PADI6: variants seen among roughly 807,000 people sequenced by gnomAD.
PADI6 encodes the protein inactive protein-arginine deiminase type-6.
Under a neutral mutation model 78.2 loss-of-function variants are expected in PADI6, and 66 were observed. The ratio of observed to expected loss-of-function variants is 0.84; its 90% CI spans 0.69 to 1.04. PADI6 has a LOEUF of 1.04. Among genes scored for constraint, PADI6 ranks in the 50% least tolerant of loss-of-function variants. The pLI is 0.00. For missense variants in PADI6, 854 were observed against 866.1 expected (o/e 0.99, Z 0.18); for synonymous variants, 397 against 346.9 (o/e 1.14, Z -1.60).
At chr1:17,382,679 C>CT (rs2075084665) in intron 6 of PADI6, among the ~76,000 whole-genome samples, 1 of 152,230 alleles carries the variant, frequency 6.6e-6, no homozygotes, top group Non-Finnish European at 1.5e-5. Context: ...CCTTGCACAT[C>CT]TTTTGACTTC....
intron 14 of PADI6, among the ~76,000 whole-genome samples, chr1:17,397,805 G>T (rs1012328719): frequency 6.6e-6 from 1 of 152,162 alleles, no homozygotes; most frequent in Admixed American, 6.5e-5. Flanking sequence ...CCAAGTTCAT[G>T]TGTTGCTCAT....
At chr1:17,393,299 G>A (rs1440791128) in intron 9 of PADI6, among the ~76,000 whole-genome samples, 1 of 152,132 alleles carries the variant, frequency 6.6e-6, no homozygotes, top group Admixed American at 6.5e-5. Context: ...CATGAATCGG[G>A]AATGAAAGGT....
chr1:17,401,458 C>T lies in PADI6; in HGVS notation c.*20C>T, dbSNP rs2075300814. 6.2e-7 allele frequency: 1 copy of T among 1,601,266 alleles called. No homozygotes were observed. Among genetic ancestry groups the T allele is most frequent in the South Asian group, 1.1e-5 (1 of 90,434 alleles). On this transcript the variant is annotated 3_prime_UTR_variant, in exon 16 of 16. Transcript: ENST00000619609. ...CCTTAGACCCAGGCCCTGGAGCTGC[C>T]AGCTCTGCCCCAGCGTGGATGGCCC...
At chr1:17,375,623 G>A in intron 3 of PADI6, 124 bp downstream of exon 3, 2 of 771,904 alleles carry the variant, frequency 2.6e-6, no homozygotes, top group South Asian at 3.5e-5. Flanking sequence ...TGGGCCCCAG[G>A]AACTCCTGAA....
intron 3 of PADI6, 116 bp downstream of exon 3, chr1:17,375,615 G>T (rs1015382535): frequency 4.5e-6 from 4 of 890,544 alleles, no homozygotes; most frequent in Non-Finnish European, 6.9e-6. Context: ...GCCTCCTGTG[G>T]GCCCCAGGAA....
At chr1:17,390,602 C>CCAAAA (rs34766695) in intron 8 of PADI6, among the ~76,000 whole-genome samples, 2 of 135,038 alleles carry the variant, frequency 1.5e-5, no homozygotes, top group Non-Finnish European at 3.2e-5. Flanking sequence ...GATTCCATCT[C>CCAAAA]AAAAAAAAAA....
In PADI6 at chr1:17,400,240, G is replaced by A. The variant is rs183603588; in HGVS notation, c.1852-965G>A. Among the ~76,000 whole-genome samples the A allele has an allele frequency of 8.0e-3, 1,213 of 151,514 alleles. 11 individuals are homozygous for A. Among genetic ancestry groups the A allele is most frequent in the Non-Finnish European group, 0.012 (802 of 67,948 alleles). On this transcript the variant is annotated intron_variant, in intron 15 of 15. Coordinates refer to ENST00000619609, the MANE Select transcript of PADI6 (RefSeq NM_207421.4). The stretch of plus-strand genomic sequence containing the variant: ...AAAAAAAAACATTCTGGGGCTGGGC[G>A]TGGTGTCTTACACCTGTAATCCCAG...
chr1:17,374,852 G>A (rs1461531842), intron 2 of PADI6, among the ~76,000 whole-genome samples: 1 of 152,162 alleles, frequency 6.6e-6, no homozygotes, highest in Non-Finnish European at 1.5e-5. Context: ...AGACCTTGTG[G>A]TCAGGGTCAG....
rs201805392 is a variant in PADI6, at chr1:17,378,525, GGGAGGTGGTATGCTAA to G, written c.368-1389_368-1374del. Among the ~76,000 whole-genome samples, 7 of 152,350 alleles carry G rather than the reference GGGAGGTGGTATGCTAA, an allele frequency of 4.6e-5. No individual in the cohort carries two copies. The East Asian group carries it at 1.4e-3, about 29-fold the overall frequency. ...TTGTCCCTTGTGTGGTGGAAGGGAT[GGGAGGTGGTATGCTAA>G]GGAGGCGGGACAGTCCCTATGACAG... On this transcript the variant is annotated intron_variant, in intron 3 of 15. Coordinates refer to ENST00000619609, the MANE Select transcript of PADI6 (RefSeq NM_207421.4).
intron 15 of PADI6, among the ~76,000 whole-genome samples, chr1:17,400,130 C>T (rs1163894634): frequency 1.3e-5 from 2 of 151,942 alleles, no homozygotes; most frequent in East Asian, 3.9e-4. Flanking sequence ...ATTTCTTGAG[C>T]CCCGGAGGTG....
At chr1:17,382,828 C>T (rs2075085828) in intron 6 of PADI6, among the ~76,000 whole-genome samples, 1 of 152,190 alleles carries the variant, frequency 6.6e-6, no homozygotes. Context: ...CTCTGTCACC[C>T]AGGCTGGAGT....
chr1:17,380,902 A>G, intron 4 of PADI6, 145 bp from the exon 5 acceptor site: 1 of 587,010 alleles, frequency 1.7e-6, no homozygotes, highest in Non-Finnish European at 2.9e-6. Context: ...CTGTGCCTAC[A>G]GATTCTTGAC....
intron 8 of PADI6, among the ~76,000 whole-genome samples, chr1:17,391,344 C>T (rs963343061): frequency 7.2e-5 from 11 of 152,302 alleles, no homozygotes; most frequent in East Asian, 3.9e-4. Context: ...CTCAGCCTCC[C>T]GAGAAGCTGG....
chr1:17,384,759 G>C (rs2075104181), intron 6 of PADI6, among the ~76,000 whole-genome samples: 1 of 152,210 alleles, frequency 6.6e-6, no homozygotes, highest in Non-Finnish European at 1.5e-5. Flanking sequence ...CTGTGGGATA[G>C]ACTAAGATGC....
At chr1:17,382,484 G>T (rs2075082423) in intron 6 of PADI6, among the ~76,000 whole-genome samples, 1 of 152,204 alleles carries the variant, frequency 6.6e-6, no homozygotes, top group Non-Finnish European at 1.5e-5. Flanking sequence ...GATCCACTAT[G>T]TTAAATTTCC....
At chr1:17,392,062 C>A (rs1454747979) in intron 8 of PADI6, 52 bp from the exon 9 acceptor site, 5 of 1,453,478 alleles carry the variant, frequency 3.4e-6, no homozygotes, top group Non-Finnish European at 3.8e-6. Flanking sequence ...AGGTCATAAC[C>A]AGTAAGGGAC....
rs142592174 is a variant in PADI6 at position 17,388,896 on chromosome 1, G to A, written c.962+16G>A. ...ACCTGTGCAGGTGAGAGACCATCAG[G>A]CTGACTGTGCCAGGCGGTTCTCATA... On this transcript the variant is annotated intron_variant, in intron 8 of 15. Transcript: ENST00000619609. 3 of 1,600,642 alleles carry A rather than the reference G, an allele frequency of 1.9e-6. No homozygotes were observed. The highest frequency in any genetic ancestry group is 1.7e-5 in the Admixed American group (1 of 59,498).
At chr1:17,394,525 TC>T in intron 11 of PADI6, 71 bp downstream of exon 11, 1 of 1,512,684 alleles carries the variant, frequency 6.6e-7, no homozygotes, top group Admixed American at 2.0e-5. Context: ...CCCGCCTGCT[TC>T]CCATAGCACC....
At chr1:17,400,385 T>A (rs2100331075) in intron 15 of PADI6, among the ~76,000 whole-genome samples, 1 of 152,108 alleles carries the variant, frequency 6.6e-6, no homozygotes, top group South Asian at 2.1e-4. Flanking sequence ...TGCATGCCTG[T>A]CATCCCAGCT....
Sources: gnomAD v4.1 joint callset for allele counts (sites outside exome capture counted in the v4.1 genomes callset) on GRCh38, gnomAD v4.1.1 for gene constraint, MANE v1.5 for transcripts, NCBI Gene and HGNC (gene_info 2026-07-23, HGNC 2026-07-21) for gene names.